The following KCNQ3 variants were observed in gnomAD, a reference collection of about 807,000 sequenced individuals.
The protein encoded by KCNQ3 is potassium voltage-gated channel subfamily KQT member 3.
In KCNQ3, 30 loss-of-function variants were observed where a neutral mutation model predicts 92.5. That is an observed-to-expected ratio of 0.32 (90% CI 0.24 to 0.44). The LOEUF (loss-of-function observed/expected upper bound fraction) is 0.44. Ranked by LOEUF, KCNQ3 falls within the 20% of genes least tolerant of loss-of-function variation. The probability of loss-of-function intolerance (pLI) is 1.00; values close to 1 mark genes in which losing one functional copy is unlikely to be tolerated. For missense variants in KCNQ3, 913 were observed against 1,140.3 expected (o/e 0.80, Z 2.87); for synonymous variants, 450 against 468.8 (o/e 0.96, Z 0.52).
chr8:132,174,355 G>A lies in KCNQ3; in HGVS notation c.934-6C>T. The A allele has an allele frequency of 6.5e-7, 1 of 1,544,242 alleles. No individual in the cohort carries two copies. Among genetic ancestry groups the A allele is most frequent in the Non-Finnish European group, 8.8e-7 (1 of 1,140,120 alleles). On this transcript the variant is annotated splice_polypyrimidine_tract_variant and splice_region_variant and intron_variant, in intron 5 of 14. Transcript: ENST00000388996. ...CCAATGGTGGCCAGTGTGATCTGAA[G>A]AGAGAAGAGTTCAGACATGGAGTAC... is the stretch of plus-strand genomic sequence containing the variant.
At chr8:132,292,916 A>G (rs556328983) in intron 1 of KCNQ3, among the ~76,000 whole-genome samples, 6 of 152,324 alleles carry the variant, frequency 3.9e-5, no homozygotes, top group Non-Finnish European at 8.8e-5. Flanking sequence ...GAGGCCAAGA[A>G]AAGTTTGAAT....
intron 1 of KCNQ3, among the ~76,000 whole-genome samples, chr8:132,343,258 G>A (rs1818588332): frequency 6.6e-6 from 1 of 152,184 alleles, no homozygotes; most frequent in Admixed American, 6.5e-5. Flanking sequence ...TTTATTGAGA[G>A]TACACTGTGT....
intron 1 of KCNQ3, among the ~76,000 whole-genome samples, chr8:132,434,974 C>T (rs1272510472): frequency 1.3e-5 from 2 of 152,178 alleles, no homozygotes; most frequent in Non-Finnish European, 2.9e-5. Context: ...CCCCAAAGTT[C>T]AGCTCTCTTA....
At chr8:132,191,173 G>A (rs1453620632) in intron 1 of KCNQ3, among the ~76,000 whole-genome samples, 2 of 152,088 alleles carry the variant, frequency 1.3e-5, no homozygotes, top group East Asian at 3.9e-4. Flanking sequence ...AAGATACATG[G>A]TCTCATTCTG....
intron 1 of KCNQ3, among the ~76,000 whole-genome samples, chr8:132,269,502 T>A (rs750415754): frequency 6.6e-6 from 1 of 152,248 alleles, no homozygotes; most frequent in African/African-American, 2.4e-5. Flanking sequence ...TTTTCTAGAA[T>A]CTGCATTTTT....
At chr8:132,428,240 T>G (rs1821160068) in intron 1 of KCNQ3, among the ~76,000 whole-genome samples, 1 of 152,184 alleles carries the variant, frequency 6.6e-6, no homozygotes, top group African/African-American at 2.4e-5. Flanking sequence ...CCCTCCTCTT[T>G]AAGATCTTCT....
intron 1 of KCNQ3, among the ~76,000 whole-genome samples, chr8:132,313,617 T>C (rs908995898): frequency 6.6e-6 from 1 of 152,198 alleles, no homozygotes; most frequent in Non-Finnish European, 1.5e-5. Context: ...GGAAGGTTAT[T>C]TTGCTGACAT....
chr8:132,467,682 G>A (rs190579250), intron 1 of KCNQ3, among the ~76,000 whole-genome samples: 32 of 152,312 alleles, frequency 2.1e-4, no homozygotes, highest in African/African-American at 7.7e-4. Context: ...ATAAGAAAAT[G>A]TGGCCCTGAG....
intron 10 of KCNQ3, 31 bp from the exon 11 acceptor site, chr8:132,140,209 G>C (rs768205145): frequency 6.5e-7 from 1 of 1,544,876 alleles, no homozygotes; most frequent in South Asian, 1.1e-5. Context: ...TGAACGGCAG[G>C]CCACAGACCT....
At chr8:132,247,162 CT>C (rs1815207617) in intron 1 of KCNQ3, among the ~76,000 whole-genome samples, 1 of 152,168 alleles carries the variant, frequency 6.6e-6, no homozygotes, top group African/African-American at 2.4e-5. Context: ...GCATTTCCCC[CT>C]AGCTGTGCTC....
At chr8:132,148,978 C>T (rs1472151885) in intron 9 of KCNQ3, among the ~76,000 whole-genome samples, 1 of 152,224 alleles carries the variant, frequency 6.6e-6, no homozygotes, top group Non-Finnish European at 1.5e-5. Context: ...ATAAACCTCG[C>T]TATATTCCAT....
At chr8:132,297,790 T>C (rs187674208) in intron 1 of KCNQ3, among the ~76,000 whole-genome samples, 284 of 117,866 alleles carry the variant, frequency 2.4e-3, no homozygotes, top group African/African-American at 7.6e-3. Context: ...CCACCCAGAC[T>C]CCCCGGCTCC....
chr8:132,143,926 C>A (rs1825375979), intron 9 of KCNQ3, among the ~76,000 whole-genome samples: 2 of 152,176 alleles, frequency 1.3e-5, no homozygotes, highest in Admixed American at 1.3e-4. Context: ...TGTCATTCTA[C>A]TCCACTTCCG....
intron 1 of KCNQ3, among the ~76,000 whole-genome samples, chr8:132,213,590 T>C (rs1813933296): frequency 6.6e-6 from 1 of 152,202 alleles, no homozygotes; most frequent in Non-Finnish European, 1.5e-5. Context: ...ACCCCTCTCA[T>C]GCTGAGCTGA....
chr8:132,416,671 T>A (rs1462073703), intron 1 of KCNQ3, among the ~76,000 whole-genome samples: 1 of 152,064 alleles, frequency 6.6e-6, no homozygotes, highest in East Asian at 1.9e-4. Context: ...GGTGTATACA[T>A]CCAGTAGGTA....
At chr8:132,212,536 G>A (rs1341313250) in intron 1 of KCNQ3, among the ~76,000 whole-genome samples, 4 of 151,486 alleles carry the variant, frequency 2.6e-5, no homozygotes, top group Admixed American at 6.6e-5. Context: ...CATTCTCTTC[G>A]GGACATGTCC....
intron 1 of KCNQ3, among the ~76,000 whole-genome samples, chr8:132,428,172 CCT>C: frequency 6.6e-6 from 1 of 152,288 alleles, no homozygotes; most frequent in East Asian, 1.9e-4. Context: ...AAACTGTCCT[CCT>C]CTTTTTCTCC....
At chr8:132,403,400 A>T (rs1820400746) in intron 1 of KCNQ3, among the ~76,000 whole-genome samples, 2 of 152,186 alleles carry the variant, frequency 1.3e-5, no homozygotes, top group South Asian at 4.2e-4. Context: ...CCTGCAGCCC[A>T]TTCCCGCTCT....
chr8:132,457,423 A>T (rs1821967085), intron 1 of KCNQ3, among the ~76,000 whole-genome samples: 1 of 152,100 alleles, frequency 6.6e-6, no homozygotes. Context: ...TCATCCTCTC[A>T]CCACTCAGCT....
Sources: allele counts gnomAD v4.1 joint callset (sites outside exome capture counted in the v4.1 genomes callset), GRCh38; gene constraint gnomAD v4.1.1; transcripts MANE v1.5; gene names NCBI Gene and HGNC (gene_info 2026-07-23, HGNC 2026-07-21).